VAV2: variants seen among roughly 807,000 people sequenced by gnomAD.
VAV2 encodes guanine nucleotide exchange factor VAV2.
In VAV2, 67 loss-of-function variants were observed where a neutral mutation model predicts 132.5. That is an observed-to-expected ratio of 0.51 (90% CI 0.42 to 0.62). The LOEUF (loss-of-function observed/expected upper bound fraction) is 0.62, where lower values mean the gene tolerates loss of function less well. VAV2 is among the 20% of genes least tolerant of loss of function. VAV2 has a pLI of 0.00. For synonymous variants in VAV2, 492 were observed against 443.5 expected (o/e 1.11, Z -1.37); for missense variants, 938 against 1,153.6 (o/e 0.81, Z 2.71).
chr9:133,940,708 T>TGTGTGTGTGTG (rs59859289), intron 1 of VAV2, among the ~76,000 whole-genome samples: 20 of 149,812 alleles, frequency 1.3e-4, no homozygotes, highest in South Asian at 8.5e-4. Context: ...TGTGTGTGTG[T>TGTGTGTGTGTG]TTCTGAACAC....
At position 133,863,477 on chromosome 9, in the gene VAV2, C is replaced by A. The variant is rs1443196738; in HGVS notation, c.322-2045G>T. ...GGAGACAGAGAGGAGGCGTGGCGGG[C>A]GAGCCAGCCAAGGCCAGAACATGGT... On this transcript the variant is annotated intron_variant, in intron 2 of 29. Transcript: ENST00000371850. This position sits in a 1 kb window ranked among gnomAD's most constrained non-coding sequence, Gnocchi z 5.0. 1.3e-5 allele frequency among the ~76,000 whole-genome samples: 2 copies of A among 152,188 alleles called. No individual in the cohort carries two copies. Among genetic ancestry groups the A allele is most frequent in the Non-Finnish European group, 2.9e-5 (2 of 68,022 alleles).
At chr9:133,943,039 C>G (rs929807015) in intron 1 of VAV2, among the ~76,000 whole-genome samples, 1 of 152,242 alleles carries the variant, frequency 6.6e-6, no homozygotes, top group African/African-American at 2.4e-5. Flanking sequence ...AACTGAGGCA[C>G]AGAGAGTTAA....
chr9:133,968,013 T>A (rs1428758008), intron 1 of VAV2, among the ~76,000 whole-genome samples: 3 of 148,634 alleles, frequency 2.0e-5, no homozygotes, highest in Admixed American at 6.7e-5. Context: ...GTTGACCTCA[T>A]GGAGGGACAG....
chr9:133,811,148 C>T (rs1835343750), intron 5 of VAV2, among the ~76,000 whole-genome samples: 1 of 152,190 alleles, frequency 6.6e-6, no homozygotes, highest in African/African-American at 2.4e-5. Context: ...GGGAGACCCC[C>T]CGGTTATGGC....
rs751081735 is a variant in VAV2 at position 133,928,379 on chromosome 9, C to A, written c.321+10724G>T. On this transcript the variant is annotated intron_variant, in intron 2 of 29. Transcript: ENST00000371850. This position sits in a 1 kb window ranked among gnomAD's most constrained non-coding sequence, Gnocchi z 5.4. The stretch of plus-strand genomic sequence containing the variant: ...AGGCCTTTGCCAACAGCCCCTGCGC[C>A]GGGCTCTGCCGGGAGCCTGAGGCAG... Among the ~76,000 whole-genome samples the A allele has an allele frequency of 1.7e-4, 26 of 152,326 alleles. No homozygotes were observed. Among genetic ancestry groups the A allele is most frequent in the Non-Finnish European group, 3.1e-4 (21 of 68,032 alleles).
At position 133,863,243 on chromosome 9, in the gene VAV2, G is replaced by C. The variant is rs879825801; in HGVS notation, c.322-1811C>G. 6.6e-6 allele frequency among the ~76,000 whole-genome samples: 1 copy of C among 152,232 alleles called. No homozygotes were observed. Among genetic ancestry groups the C allele is most frequent in the Admixed American group, 6.5e-5 (1 of 15,280 alleles). ...GGTTTGGCAACTACAGGGCACCCAA[G>C]CCCCCTCTCACACACCTCCTGCGGC... On this transcript the variant is annotated intron_variant, in intron 2 of 29. Transcript: ENST00000371850. This position sits in a 1 kb window ranked among gnomAD's most constrained non-coding sequence, Gnocchi z 5.0.
At chr9:133,770,320 T>C (rs746666760) in intron 27 of VAV2, 58 bp downstream of exon 27, 98 of 1,607,112 alleles carry the variant, frequency 6.1e-5, no homozygotes, top group Non-Finnish European at 8.0e-5. Flanking sequence ...CCCTGGGAAG[T>C]GGGCCAGGGC....
At chr9:133,899,104 A>G (rs1839339138) in intron 2 of VAV2, among the ~76,000 whole-genome samples, 1 of 151,440 alleles carries the variant, frequency 6.6e-6, no homozygotes, top group Non-Finnish European at 1.5e-5. Flanking sequence ...TACAGGCGTG[A>G]GCCACCGCGC....
At chr9:133,922,080 C>T (rs763987295) in intron 2 of VAV2, among the ~76,000 whole-genome samples, 6 of 152,236 alleles carry the variant, frequency 3.9e-5, no homozygotes, top group Non-Finnish European at 5.9e-5. Flanking sequence ...CCCAAGCCCA[C>T]GCTGTTAGGG....
chr9:133,815,026 G>A (rs1436790233), intron 4 of VAV2, among the ~76,000 whole-genome samples: 2 of 152,144 alleles, frequency 1.3e-5, no homozygotes, highest in African/African-American at 2.4e-5. Context: ...CACTGATCCC[G>A]GGATGGAAGA....
chr9:133,814,170 T>C (rs1835466749), intron 4 of VAV2, among the ~76,000 whole-genome samples: 1 of 152,206 alleles, frequency 6.6e-6, no homozygotes, highest in Non-Finnish European at 1.5e-5. Context: ...GTTTGTGAGC[T>C]CACAGGTTTT....
At chr9:133,853,074 T>A (rs1837248792) in intron 3 of VAV2, among the ~76,000 whole-genome samples, 1 of 152,178 alleles carries the variant, frequency 6.6e-6, no homozygotes, top group Non-Finnish European at 1.5e-5. Context: ...AAGACTGGAT[T>A]CCAGCCGCCA....
intron 2 of VAV2, among the ~76,000 whole-genome samples, chr9:133,904,771 G>A (rs764032823): frequency 6.6e-5 from 10 of 152,256 alleles, no homozygotes; most frequent in Non-Finnish European, 1.5e-4. Flanking sequence ...TGAGGGCCCC[G>A]TGAAGCTCAC....
At position 133,769,504 on chromosome 9, in the gene VAV2, C is replaced by G. The variant is rs1320725964; in HGVS notation, c.2348-1G>C. ...GAAAAGTTGTAGGAAGCACAGGAAG[C>G]TGCAAAGAGGCGAGAGAGAACGTGA... On this transcript the variant is annotated splice_acceptor_variant, in intron 27 of 29. Coordinates refer to ENST00000371850, the MANE Select transcript of VAV2 (RefSeq NM_001134398.2). LOFTEE classifies it high-confidence loss of function. This position sits in a 1 kb window ranked among gnomAD's most constrained non-coding sequence, Gnocchi z 8.1. 1 of 1,611,166 alleles carries G rather than the reference C, an allele frequency of 6.2e-7. No individual in the cohort carries two copies.
intron 7 of VAV2, 120 bp from the exon 8 acceptor site, chr9:133,807,446 A>G: frequency 1.0e-6 from 1 of 993,554 alleles, no homozygotes; most frequent in Non-Finnish European, 1.4e-6. Flanking sequence ...CTCCATGCTT[A>G]CTGGGGTAGC....
intron 3 of VAV2, chr9:133,861,090 G>GT: frequency 5.2e-6 from 2 of 382,112 alleles, no homozygotes; most frequent in East Asian, 9.0e-5. Flanking sequence ...GGTAGGCAAT[G>GT]ATCTGTGAAA....
At chr9:133,846,912 G>A (rs773904934) in intron 3 of VAV2, among the ~76,000 whole-genome samples, 3 of 152,232 alleles carry the variant, frequency 2.0e-5, no homozygotes, top group African/African-American at 4.8e-5. Context: ...AGATGAGGAT[G>A]GAGCCCCACT....
chr9:133,845,300 C>A (rs1250622538), intron 3 of VAV2, among the ~76,000 whole-genome samples: 3 of 152,256 alleles, frequency 2.0e-5, no homozygotes, highest in Non-Finnish European at 4.4e-5. Flanking sequence ...GGAGGAACAG[C>A]CCGCATGGCA....
At chr9:133,943,003 A>T (rs557394811) in intron 1 of VAV2, among the ~76,000 whole-genome samples, 1 of 152,336 alleles carries the variant, frequency 6.6e-6, no homozygotes, top group East Asian at 1.9e-4. Flanking sequence ...TGCTTTCTAC[A>T]GTTCATCCCA....
Sources: gnomAD v4.1 joint callset for allele counts (sites outside exome capture counted in the v4.1 genomes callset) on GRCh38, gnomAD v4.1.1 for gene constraint, Gnocchi (gnomAD v3.1) non-coding constraint, MANE v1.5 for transcripts, NCBI Gene and HGNC (gene_info 2026-07-23, HGNC 2026-07-21) for gene names.